The following DOK4 variants were observed in gnomAD, a reference collection of about 807,000 sequenced individuals.
DOK4 encodes the protein docking protein 4.
In DOK4, 26 loss-of-function variants were observed where a neutral mutation model predicts 40.1. The observed-to-expected ratio is 0.65, with a 90% CI of 0.48 to 0.90. DOK4 has a LOEUF of 0.90. Among genes scored for constraint, DOK4 ranks in the 40% least tolerant of loss-of-function variants. The probability of loss-of-function intolerance (pLI) is 0.00; values close to 1 mark genes in which losing one functional copy is unlikely to be tolerated. For missense variants in DOK4, 392 were observed against 437.2 expected (o/e 0.90, Z 0.92); for synonymous variants, 179 against 177.0 (o/e 1.01, Z -0.09).
At chr16:57,484,933 G>A (rs1294932644) in intron 1 of DOK4, among the ~76,000 whole-genome samples, 1 of 152,236 alleles carries the variant, frequency 6.6e-6, no homozygotes, top group African/African-American at 2.4e-5. Flanking sequence ...CGTCTGTCTA[G>A]TTAACAGCTC....
chr16:57,474,287 C>A (rs754525615), intron 6 of DOK4, among the ~76,000 whole-genome samples: 1 of 152,174 alleles, frequency 6.6e-6, no homozygotes, highest in African/African-American at 2.4e-5. Flanking sequence ...GGTCTCTGTA[C>A]CATTAATGGT....
rs752181768 is a variant in DOK4 at position 57,473,428 on chromosome 16, C to T, written c.930G>A (p.Lys310=). ...TGCTGTCCCCCTGGCTGGGCTTTGGCTTTAGCAGGATGAATCTGTTGAGGA... is the reference window on the plus strand; with the variant it reads ...TGCTGTCCCCCTGGCTGGGCTTTGGTTTTAGCAGGATGAATCTGTTGAGGA... Residue 310 remains lysine (K), a synonymous_variant, in exon 9 of 9, where the codon AAG becomes AAA. Transcript: ENST00000340099. The T allele has an allele frequency of 5.9e-5, 95 of 1,614,086 alleles. 1 individual carries two copies. The East Asian group carries it at 2.1e-3, about 35-fold the overall frequency.
chr16:57,473,514 G>A lies in DOK4; in HGVS notation c.863-19C>T, dbSNP rs1177790478. The A allele has an allele frequency of 1.4e-5, 22 of 1,614,072 alleles. No individual in the cohort carries two copies. The highest frequency in any genetic ancestry group is 1.7e-5 in the Non-Finnish European group (20 of 1,180,032). On this transcript the variant is annotated intron_variant, in intron 8 of 8. Transcript: ENST00000340099. ...CCCTCACCTGTGGGCACAGAAGCAG[G>A]CTCAGAACTCAGAGCTAGGTCAAAA...
chr16:57,477,638 C>A (rs1359034951), intron 2 of DOK4, among the ~76,000 whole-genome samples: 4 of 152,204 alleles, frequency 2.6e-5, no homozygotes, highest in East Asian at 1.9e-4. Context: ...GGGAGCCACG[C>A]GCTCAAGAGC....
upstream of DOK4, chr16:57,487,272 G>A (rs2031565280): frequency 6.6e-6 from 1 of 152,230 alleles, no homozygotes. Context: ...TTCTCAAAGT[G>A]TAGTCCCTGG....
At chr16:57,473,584 G>C (rs749322670) in intron 8 of DOK4, 29 bp downstream of exon 8, 8 of 1,614,120 alleles carry the variant, frequency 5.0e-6, no homozygotes, top group African/African-American at 1.3e-5. Context: ...CCTCCTGGCA[G>C]GTGGGTGTGG....
exon 9 of DOK4, chr16:57,472,730 AAACCAGATTTTCACCTGAGGCGTC>A (rs2030917610): frequency 6.6e-6 from 1 of 152,366 alleles, no homozygotes; most frequent in Non-Finnish European, 1.5e-5. Flanking sequence ...TTACATTTTA[AAACCAGATTTTCACCTGAGGCGTC>A]AACCAGATGT....
chr16:57,479,104 G>T lies in DOK4; in HGVS notation c.66+338C>A, dbSNP rs1450195350. 1.1e-4 allele frequency among the ~76,000 whole-genome samples: 16 copies of T among 152,184 alleles called. No homozygotes were observed. The highest frequency in any genetic ancestry group is 3.4e-4 in the African/African-American group (14 of 41,442). ...TGCTTCTCAGCTCAGACACAGCCCGGCCTTGCCAGCCGCCCCTGCTGCTGC... is the reference window on the plus strand; with the variant it reads ...TGCTTCTCAGCTCAGACACAGCCCGTCCTTGCCAGCCGCCCCTGCTGCTGC... On this transcript the variant is annotated intron_variant, in intron 2 of 8. Transcript: ENST00000340099. The surrounding 1 kb of genome is among the most constrained non-coding windows in gnomAD (Gnocchi z 5.8).
chr16:57,484,877 G>A (rs2031505428), intron 1 of DOK4, among the ~76,000 whole-genome samples: 1 of 152,210 alleles, frequency 6.6e-6, no homozygotes, highest in Admixed American at 6.5e-5. Context: ...TTTGTTTCTG[G>A]CCACAGAGAG....
At chr16:57,484,489 G>A (rs566829876) in intron 1 of DOK4, among the ~76,000 whole-genome samples, 14 of 152,304 alleles carry the variant, frequency 9.2e-5, no homozygotes, top group African/African-American at 3.1e-4. Context: ...GGATGGCAAA[G>A]ACAGACCAAA....
At chr16:57,474,723 C>A in intron 6 of DOK4, 70 bp downstream of exon 6, 1 of 1,566,006 alleles carries the variant, frequency 6.4e-7, no homozygotes, top group East Asian at 2.3e-5. Context: ...AGCACAGTGC[C>A]CAACACAGAG....
chr16:57,472,755 A>T (rs2030920974), exon 9 of DOK4: 1 of 152,480 alleles, frequency 6.6e-6, no homozygotes, highest in Non-Finnish European at 1.5e-5. Context: ...CTGAGGCGTC[A>T]ACCAGATGTC....
chr16:57,475,668 C>CTT, intron 3 of DOK4, 48 bp from the exon 4 acceptor site: 1 of 584,606 alleles, frequency 1.7e-6, no homozygotes, highest in Non-Finnish European at 2.6e-6. Flanking sequence ...GCATCTCTCT[C>CTT]TCTCTCTCTC....
At position 57,479,299 on chromosome 16, in the gene DOK4, G is replaced by A. The variant is rs574119561; in HGVS notation, c.66+143C>T. ...GGCACATGCCAGGCAGCACGCTGGC[G>A]AGGAGCCCCGAGACCACAGATGCAC... On this transcript the variant is annotated intron_variant, in intron 2 of 8. Transcript: ENST00000340099. The surrounding 1 kb of genome is among the most constrained non-coding windows in gnomAD (Gnocchi z 5.8). 6.1e-5 allele frequency: 54 copies of A among 880,980 alleles called. No homozygotes were observed. Among genetic ancestry groups the A allele is most frequent in the South Asian group, 5.3e-4 (32 of 60,168 alleles). 54.6% of individuals were successfully genotyped at this position (880,980 alleles called of 1,614,324 possible). A position where few individuals can be genotyped will look rare whatever the true frequency, so the allele number is the denominator to read the frequency against.
At chr16:57,475,312 G>A in intron 4 of DOK4, 93 bp from the exon 5 acceptor site, 1 of 1,550,080 alleles carries the variant, frequency 6.5e-7, no homozygotes, top group South Asian at 1.2e-5. Context: ...ACAGCAGGGA[G>A]GGTAAGGACA....
Position 57,474,875 on chromosome 16 carries a change from G to A in DOK4, c.517C>T (p.Arg173Cys), listed in dbSNP as rs1277329947. 6.2e-6 allele frequency: 10 copies of A among 1,614,030 alleles called. No individual in the cohort carries two copies. Among genetic ancestry groups the A allele is most frequent in the Non-Finnish European group, 8.5e-6 (10 of 1,180,032 alleles). The change falls in exon 6 of 9, where the codon CGT becomes TGT. Residue 173 changes from arginine to cysteine, a missense_variant. By Grantham distance (180) the Arg-to-Cys change is radical. Transcript: ENST00000340099. ...AGGGGCCACGAGACGAGCTTCACAC[G>A]GGGGTTGTGGATGTCCCAGAGGTAG...
Position 57,479,738 on chromosome 16 carries a change from C to T in DOK4, c.-181-50G>A. Reference sequence around the variant, plus strand: ...TTAGAGACAGTGACATCTTTCTCTTCCTCTCGCTGTCTCGCTCTCTTTTTT... The same window carrying T: ...TTAGAGACAGTGACATCTTTCTCTTTCTCTCGCTGTCTCGCTCTCTTTTTT... On this transcript the variant is annotated intron_variant, in intron 1 of 8. Coordinates refer to ENST00000340099, the Ensembl canonical transcript of DOK4. The surrounding 1 kb of genome is among the most constrained non-coding windows in gnomAD (Gnocchi z 5.8). The T allele has an allele frequency of 4.3e-6, 2 of 468,112 alleles. No homozygotes were observed. Among genetic ancestry groups the T allele is most frequent in the Non-Finnish European group, 7.7e-6 (2 of 261,122 alleles). The allele number at this position is 468,112 out of a possible 1,614,324, so 29.0% of individuals were successfully genotyped here. A position where few individuals can be genotyped will look rare whatever the true frequency, so the allele number is the denominator to read the frequency against.
chr16:57,474,120 C>T, intron 6 of DOK4, 81 bp from the exon 7 acceptor site: 1 of 1,581,712 alleles, frequency 6.3e-7, no homozygotes. Flanking sequence ...CTTGCAACTG[C>T]AAGTTGTGGT....
chr16:57,472,762 T>C (rs1245557007), exon 9 of DOK4: 1 of 152,540 alleles, frequency 6.6e-6, no homozygotes, highest in Non-Finnish European at 1.5e-5. Flanking sequence ...GTCAACCAGA[T>C]GTCACCTCTG....
Sources: allele counts gnomAD v4.1 joint callset (sites outside exome capture counted in the v4.1 genomes callset), GRCh38; gene constraint gnomAD v4.1.1; non-coding constraint Gnocchi (gnomAD v3.1); transcripts MANE v1.5; gene names NCBI Gene and HGNC (gene_info 2026-07-23, HGNC 2026-07-21).